The following CFAP58 variants were observed in gnomAD, a reference collection of about 807,000 sequenced individuals.
The protein encoded by CFAP58 is cilia- and flagella-associated protein 58.
Under a neutral mutation model 119.5 loss-of-function variants are expected in CFAP58, and 88 were observed. The observed-to-expected ratio is 0.74, with a 90% confidence interval of 0.62 to 0.88. CFAP58 has a LOEUF of 0.88. Among genes scored for constraint, CFAP58 ranks in the 40% least tolerant of loss-of-function variants. The probability of loss-of-function intolerance (pLI) is 0.00; values close to 1 mark genes in which losing one functional copy is unlikely to be tolerated. For synonymous variants in CFAP58, 365 were observed against 366.3 expected (o/e 1.00, Z 0.04); for missense variants, 990 against 1,021.2 (o/e 0.97, Z 0.42).
chr10:104,353,520 C>G (rs2135236750), upstream of CFAP58: 1 of 234,370 alleles, frequency 4.3e-6, no homozygotes, highest in East Asian at 8.8e-5. Context: ...ACCGTCCTTT[C>G]TGGGTGGCCT....
At position 104,380,225 on chromosome 10, in the gene CFAP58, G is replaced by C; in HGVS notation, c.1365+5G>C. 1 of 1,612,612 alleles carries C rather than the reference G, an allele frequency of 6.2e-7. No individual in the cohort carries two copies. Among genetic ancestry groups the C allele is most frequent in the Non-Finnish European group, 8.5e-7 (1 of 1,179,248 alleles). On this transcript the variant is annotated splice_donor_5th_base_variant and intron_variant, in intron 9 of 17. Transcript: ENST00000369704. ...GCCAGTGACCTTACGCAAAAGGTAA[G>C]CTGCTCAGTGATGTTGTGGGTGGAG...
intron 7 of CFAP58, among the ~76,000 whole-genome samples, chr10:104,373,911 C>T (rs1476467503): frequency 2.0e-5 from 3 of 152,034 alleles, no homozygotes; most frequent in Non-Finnish European, 4.4e-5. Context: ...AAAAGACTCT[C>T]GATTATCATC....
At chr10:104,339,110 G>A in the CFAP58 span, among the ~76,000 whole-genome samples, 4 of 152,156 alleles carry the variant, frequency 2.6e-5, no homozygotes, top group African/African-American at 9.7e-5. Context: ...GTTTCTCCAT[G>A]TTGGTCAGGC....
Position 104,358,024 on chromosome 10 carries a change from T to C in CFAP58, c.10-317T>C, listed in dbSNP as rs552331655. On this transcript the variant is annotated intron_variant, in intron 1 of 17. Coordinates refer to ENST00000369704, the MANE Select transcript of CFAP58 (RefSeq NM_001008723.2). ...ACATATATACACATATATGTACATA[T>C]ATATACATATGTACATATACACACA... Among the ~76,000 whole-genome samples, 711 of 148,300 alleles carry C rather than the reference T, an allele frequency of 4.8e-3. 6 individuals are homozygous for C. Among genetic ancestry groups the C allele is most frequent in the Non-Finnish European group, 8.2e-3 (555 of 67,470 alleles).
At chr10:104,447,625 C>T (rs2013130286) in intron 15 of CFAP58, 73 bp from the exon 16 acceptor site, 2 of 1,575,816 alleles carry the variant, frequency 1.3e-6, no homozygotes, top group Non-Finnish European at 1.7e-6. Context: ...ATTGTGCTGG[C>T]CATGCAGTGA....
At chr10:104,357,888 T>TGTACACATATAC (rs2014582934) in intron 1 of CFAP58, among the ~76,000 whole-genome samples, 22 of 127,542 alleles carry the variant, frequency 1.7e-4, no homozygotes, top group African/African-American at 6.2e-4. Flanking sequence ...TACACATATA[T>TGTACACATATAC]AAACATATAT....
chr10:104,403,147 T>C (rs976667540), intron 13 of CFAP58, among the ~76,000 whole-genome samples: 5 of 152,236 alleles, frequency 3.3e-5, no homozygotes, highest in African/African-American at 7.2e-5. Flanking sequence ...CAGGTGGAGA[T>C]AATTGAACCA....
intron 16 of CFAP58, 108 bp downstream of exon 16, chr10:104,447,925 C>T (rs533195583): frequency 1.8e-5 from 25 of 1,369,408 alleles, no homozygotes; most frequent in East Asian, 7.7e-5. Flanking sequence ...CTCAATGCCA[C>T]GATCCTCTGA....
chr10:104,413,903 C>T (rs1292542189), intron 15 of CFAP58, among the ~76,000 whole-genome samples: 1 of 152,180 alleles, frequency 6.6e-6, no homozygotes, highest in Non-Finnish European at 1.5e-5. Flanking sequence ...ATGATGAACA[C>T]TCAGAGCTAC....
At chr10:104,422,050 G>A (rs1014070663) in intron 15 of CFAP58, among the ~76,000 whole-genome samples, 2 of 152,058 alleles carry the variant, frequency 1.3e-5, no homozygotes, top group African/African-American at 2.4e-5. Flanking sequence ...AGCCAGGTGC[G>A]GTGGCACACA....
intron 7 of CFAP58, among the ~76,000 whole-genome samples, chr10:104,374,367 CAG>C (rs2014861361): frequency 6.9e-6 from 1 of 144,616 alleles, no homozygotes; most frequent in African/African-American, 2.6e-5. Flanking sequence ...CCCAACTACT[CAG>C]GGGGCTGAGA....
intron 17 of CFAP58, among the ~76,000 whole-genome samples, chr10:104,451,255 T>C (rs2013191886): frequency 1.3e-5 from 2 of 152,192 alleles, no homozygotes; most frequent in South Asian, 4.1e-4. Flanking sequence ...GATTTGTTAG[T>C]AGCAAAGTTA....
At chr10:104,382,232 TACCCAC>T in intron 9 of CFAP58, 2 of 716,580 alleles carry the variant, frequency 2.8e-6, no homozygotes, top group South Asian at 3.0e-5. Flanking sequence ...GCACAGATCC[TACCCAC>T]TCATATTCCA....
intron 15 of CFAP58, among the ~76,000 whole-genome samples, chr10:104,422,983 T>A (rs2012685313): frequency 6.6e-6 from 1 of 152,260 alleles, no homozygotes; most frequent in Non-Finnish European, 1.5e-5. Flanking sequence ...TTTATTTTAA[T>A]TGACACATAA....
At chr10:104,445,717 T>C (rs947230679) in intron 15 of CFAP58, among the ~76,000 whole-genome samples, 2 of 152,232 alleles carry the variant, frequency 1.3e-5, no homozygotes, top group Non-Finnish European at 2.9e-5. Context: ...ATATCATCAC[T>C]AGGTTTTTGA....
At chr10:104,404,704 G>T (rs1360627604) in intron 14 of CFAP58, among the ~76,000 whole-genome samples, 5 of 152,212 alleles carry the variant, frequency 3.3e-5, no homozygotes, top group Admixed American at 6.5e-5. Context: ...CTGCCTCCCG[G>T]GTTCACGCCA....
chr10:104,392,513 C>T (rs1373022814), intron 10 of CFAP58, 119 bp downstream of exon 10: 3 of 663,354 alleles, frequency 4.5e-6, no homozygotes, highest in African/African-American at 3.8e-5. Context: ...ATGGAATTCA[C>T]CTGAAAAGAT....
chr10:104,377,083 C>T (rs967851878), intron 8 of CFAP58, among the ~76,000 whole-genome samples, 190 bp downstream of exon 8: 3 of 152,144 alleles, frequency 2.0e-5, no homozygotes, highest in African/African-American at 7.2e-5. Flanking sequence ...ATTGCAATTG[C>T]GTTATCACCT....
At chr10:104,419,061 T>A (rs907149218) in intron 15 of CFAP58, among the ~76,000 whole-genome samples, 5 of 152,210 alleles carry the variant, frequency 3.3e-5, no homozygotes, top group Non-Finnish European at 5.9e-5. Flanking sequence ...GAGGAGGCTG[T>A]GTCCCCGTCG....
Sources: gnomAD v4.1 joint callset for allele counts (sites outside exome capture counted in the v4.1 genomes callset) on GRCh38, gnomAD v4.1.1 for gene constraint, MANE v1.5 for transcripts, NCBI Gene and HGNC (gene_info 2026-07-23, HGNC 2026-07-21) for gene names.